STX8: variants seen among roughly 807,000 people sequenced by gnomAD.
STX8 encodes syntaxin 8.
STX8 carries 23 observed loss-of-function variants against 37.5 expected under a neutral mutation model. The observed-to-expected ratio is 0.61, with a 90% CI of 0.44 to 0.87. STX8 has a LOEUF of 0.87. Among genes scored for constraint, STX8 ranks in the 40% least tolerant of loss-of-function variants. STX8 has a pLI of 0.00. For missense variants in STX8, 313 were observed against 284.7 expected, an observed-to-expected ratio of 1.10 and a Z score of -0.71; for synonymous variants, 115 against 99.1, an observed-to-expected ratio of 1.16 and a Z score of -0.95.
Position 9,394,768 on chromosome 17 carries a change from T to C in STX8, c.542-16115A>G, listed in dbSNP as rs558674475. On this transcript the variant is annotated intron_variant, in intron 6 of 7. Coordinates refer to ENST00000306357, the MANE Select transcript of STX8 (RefSeq NM_004853.3). ...CTCAATCTAGAGGCACAAACAGTTA[T>C]AAAGTTTAAAAAAGTTTGGCCAGGC... is the stretch of plus-strand genomic sequence containing the variant. 2.6e-5 allele frequency among the ~76,000 whole-genome samples: 4 copies of C among 151,734 alleles called. No individual in the cohort carries two copies. In the East Asian group the frequency reaches 5.8e-4, roughly 22 times the overall value.
chr17:9,276,242 G>T (rs1907671920), intron 7 of STX8, among the ~76,000 whole-genome samples: 1 of 152,148 alleles, frequency 6.6e-6, no homozygotes, highest in South Asian at 2.1e-4. Flanking sequence ...TCTGAAGTTG[G>T]ACTAGGAAAT....
intron 7 of STX8, among the ~76,000 whole-genome samples, chr17:9,349,574 G>C (rs904579743): frequency 8.5e-5 from 13 of 152,054 alleles, no homozygotes; most frequent in African/African-American, 3.1e-4. Context: ...CACCCGCCTT[G>C]GCCTCCCAAA....
chr17:9,457,971 T>C (rs1905228978), intron 6 of STX8, among the ~76,000 whole-genome samples: 1 of 152,224 alleles, frequency 6.6e-6, no homozygotes, highest in Non-Finnish European at 1.5e-5. Flanking sequence ...ATATTCACTA[T>C]AATGTAGCAA....
At position 9,446,552 on chromosome 17, in the gene STX8, T is replaced by C. The variant is rs903026313; in HGVS notation, c.541+45277A>G. Among the ~76,000 whole-genome samples the C allele has an allele frequency of 3.3e-5, 5 of 152,332 alleles. No homozygotes were observed. The East Asian group carries it at 7.7e-4, about 23-fold the overall frequency. ...AGGAGGAGGAAGCAAACTACTGTTT[T>C]CCTTTTCACGGGAGTGCTACACGGG... On this transcript the variant is annotated intron_variant, in intron 6 of 7. Coordinates refer to ENST00000306357, the MANE Select transcript of STX8 (RefSeq NM_004853.3).
chr17:9,442,876 T>C (rs753416819), intron 6 of STX8, among the ~76,000 whole-genome samples: 7 of 152,138 alleles, frequency 4.6e-5, no homozygotes, highest in East Asian at 1.9e-4. Flanking sequence ...GTGTGAGATA[T>C]CCTCTTGGGA....
intron 7 of STX8, among the ~76,000 whole-genome samples, chr17:9,334,352 C>G (rs1360046379): frequency 2.0e-5 from 3 of 152,106 alleles, no homozygotes; most frequent in Non-Finnish European, 4.4e-5. Flanking sequence ...GTAGTCTAGT[C>G]CCCAGGCAAG....
chr17:9,312,856 A>C (rs1011539405), intron 7 of STX8, among the ~76,000 whole-genome samples: 16 of 152,158 alleles, frequency 1.1e-4, no homozygotes, highest in African/African-American at 3.1e-4. Flanking sequence ...GTCAAGGTAG[A>C]ATCTTGCGTC....
At chr17:9,285,988 T>A (rs1908058562) in intron 7 of STX8, among the ~76,000 whole-genome samples, 1 of 151,968 alleles carries the variant, frequency 6.6e-6, no homozygotes, top group Non-Finnish European at 1.5e-5. Flanking sequence ...TGCCAATAAC[T>A]ATATGGAGCG....
chr17:9,565,612 CAAAAA>C (rs61319674), intron 2 of STX8, among the ~76,000 whole-genome samples: 2 of 72,676 alleles, frequency 2.8e-5, no homozygotes, highest in African/African-American at 9.8e-5. Flanking sequence ...AACACCGTCT[CAAAAA>C]AAAAAAAAAA....
intron 4 of STX8, among the ~76,000 whole-genome samples, chr17:9,535,616 T>C (rs1055034806): frequency 1.3e-5 from 2 of 151,774 alleles, no homozygotes; most frequent in South Asian, 2.1e-4. Context: ...GTATTTTTAG[T>C]AGAGACGGGG....
chr17:9,451,966 A>C (rs1026422360), intron 6 of STX8, among the ~76,000 whole-genome samples: 1 of 152,184 alleles, frequency 6.6e-6, no homozygotes, highest in Non-Finnish European at 1.5e-5. Flanking sequence ...TGATGGTTTC[A>C]GTTAAAACAT....
At chr17:9,553,198 A>G (rs952826088) in intron 3 of STX8, 4 of 152,194 alleles carry the variant, frequency 2.6e-5, no homozygotes, top group Non-Finnish European at 5.9e-5. Context: ...TGGTAAGACA[A>G]TTATAGTTCC....
chr17:9,451,222 G>C lies in STX8; in HGVS notation c.541+40607C>G, dbSNP rs139434736. ...TAACAACTTCTTCAAGCTAGACTTG[G>C]AGTGGTCAGAACTTGATTCCACATA... On this transcript the variant is annotated intron_variant, in intron 6 of 7. Transcript: ENST00000306357. Among the ~76,000 whole-genome samples, 4 of 152,164 alleles carry C rather than the reference G, an allele frequency of 2.6e-5. No homozygotes were observed. The East Asian group carries it at 5.8e-4, about 22-fold the overall frequency.
At chr17:9,568,646 G>T (rs965925472) in intron 1 of STX8, among the ~76,000 whole-genome samples, 176 bp from the exon 2 acceptor site, 1 of 152,112 alleles carries the variant, frequency 6.6e-6, no homozygotes, top group Non-Finnish European at 1.5e-5. Context: ...GACTACAGGC[G>T]CCCGCTATCA....
intron 5 of STX8, among the ~76,000 whole-genome samples, chr17:9,499,772 C>G (rs543836669): frequency 1.3e-5 from 2 of 152,292 alleles, no homozygotes; most frequent in East Asian, 3.9e-4. Flanking sequence ...TGCCGCTCCC[C>G]GCAAACTCCA....
At chr17:9,396,374 C>T (rs1173437416) in intron 6 of STX8, among the ~76,000 whole-genome samples, 4 of 97,594 alleles carry the variant, frequency 4.1e-5, no homozygotes, top group Admixed American at 1.2e-4. Context: ...TTTGGGGGGG[C>T]GGGGTGGCAG....
intron 6 of STX8, among the ~76,000 whole-genome samples, chr17:9,486,233 C>T (rs371484959): frequency 2.0e-5 from 3 of 152,200 alleles, no homozygotes; most frequent in East Asian, 3.9e-4. Context: ...ACCAGGGATC[C>T]TTGAGGAAAC....
chr17:9,313,501 TAC>T (rs759075489), intron 7 of STX8, among the ~76,000 whole-genome samples: 4 of 152,222 alleles, frequency 2.6e-5, no homozygotes, highest in Admixed American at 6.5e-5. Flanking sequence ...TGCCAAGGGT[TAC>T]AGAGAACAGT....
At chr17:9,379,862 G>A (rs931312344) in intron 6 of STX8, among the ~76,000 whole-genome samples, 5 of 151,750 alleles carry the variant, frequency 3.3e-5, no homozygotes, top group African/African-American at 9.7e-5. Context: ...TACCTACTCG[G>A]GAGGCTGAGG....
Sources: allele counts gnomAD v4.1 joint callset (sites outside exome capture counted in the v4.1 genomes callset), GRCh38; gene constraint gnomAD v4.1.1; transcripts MANE v1.5; gene names NCBI Gene and HGNC (gene_info 2026-07-23, HGNC 2026-07-21).